The following HEATR5B variants were observed in gnomAD, a reference collection of about 807,000 sequenced individuals.
The protein encoded by HEATR5B is HEAT repeat containing 5B.
Under a neutral mutation model 224.1 loss-of-function variants are expected in HEATR5B, and 156 were observed. The observed-to-expected ratio is 0.70, with a 90% CI of 0.61 to 0.80. HEATR5B has a LOEUF of 0.80. Among genes scored for constraint, HEATR5B ranks in the 30% least tolerant of loss-of-function variants. The probability of loss-of-function intolerance (pLI) is 0.00; values close to 1 mark genes in which losing one functional copy is unlikely to be tolerated. For missense variants in HEATR5B, 2,323 were observed against 2,535.5 expected (o/e 0.92, Z 1.80); for synonymous variants, 1,027 against 893.0 (o/e 1.15, Z -2.68).
At chr2:36,984,237 T>TATATATATATATATATATAA (rs1217602304) in intron 35 of HEATR5B, among the ~76,000 whole-genome samples, 30 of 111,968 alleles carry the variant, frequency 2.7e-4, no homozygotes, top group South Asian at 1.1e-3. Context: ...TATATATATA[T>TATATATATATATATATATAA]AAAACTGGAA....
At chr2:37,059,028 T>A in intron 12 of HEATR5B, 41 bp from the exon 13 acceptor site, 2 of 1,217,520 alleles carry the variant, frequency 1.6e-6, no homozygotes. Context: ...GAGTAGCTTT[T>A]GTGAACATGA....
chr2:37,005,410 C>G (rs146031317), intron 30 of HEATR5B, among the ~76,000 whole-genome samples: 123 of 152,222 alleles, frequency 8.1e-4, no homozygotes, highest in Non-Finnish European at 2.2e-4. Context: ...TCTCCTAATT[C>G]AGGCACAGTG....
chr2:37,035,435 A>G (rs991629337), intron 21 of HEATR5B, among the ~76,000 whole-genome samples: 4 of 152,140 alleles, frequency 2.6e-5, no homozygotes, highest in Non-Finnish European at 5.9e-5. Context: ...TGTCTACTTG[A>G]GTATCCTTGC....
chr2:36,991,246 G>A (rs1028047210), intron 33 of HEATR5B, among the ~76,000 whole-genome samples: 1 of 151,964 alleles, frequency 6.6e-6, no homozygotes, highest in African/African-American at 2.4e-5. Context: ...AAAAAAATCG[G>A]TTGGGTGCAG....
chr2:36,999,551 C>T (rs1666950345), intron 33 of HEATR5B, among the ~76,000 whole-genome samples: 1 of 151,476 alleles, frequency 6.6e-6, no homozygotes, highest in Admixed American at 6.6e-5. Flanking sequence ...CGGTTGCGCA[C>T]ACCTGTAGTC....
Position 37,003,065 on chromosome 2 carries a change from C to T in HEATR5B, c.5050+477G>A, listed in dbSNP as rs141015735. ...CTTGGGCTCAGGAGTTCGAGACCAG[C>T]CTAACATGGCAAAACCCTGTCTCCA... On this transcript the variant is annotated intron_variant, in intron 31 of 35. Transcript: ENST00000233099. Among the ~76,000 whole-genome samples the T allele has an allele frequency of 4.9e-3, 746 of 151,760 alleles. 7 individuals carry two copies. Among genetic ancestry groups the T allele is most frequent in the African/African-American group, 0.016 (679 of 41,348 alleles).
intron 21 of HEATR5B, among the ~76,000 whole-genome samples, chr2:37,034,048 G>A (rs959401387): frequency 2.0e-5 from 3 of 152,066 alleles, no homozygotes; most frequent in African/African-American, 4.8e-5. Context: ...CACAATGCCA[G>A]ATAGTATATT....
intron 24 of HEATR5B, among the ~76,000 whole-genome samples, chr2:37,026,199 C>G (rs1455978307): frequency 6.6e-6 from 1 of 152,014 alleles, no homozygotes; most frequent in Non-Finnish European, 1.5e-5. Flanking sequence ...GAGAGGGAGC[C>G]GTGAGCCAGG....
At chr2:37,055,463 G>A (rs1175181459) in intron 16 of HEATR5B, among the ~76,000 whole-genome samples, 1 of 152,108 alleles carries the variant, frequency 6.6e-6, no homozygotes, top group Non-Finnish European at 1.5e-5. Flanking sequence ...AAACCAAAAT[G>A]TTGAAATAGA....
At chr2:37,020,194 C>T (rs1322104451) in intron 25 of HEATR5B, among the ~76,000 whole-genome samples, 1 of 152,194 alleles carries the variant, frequency 6.6e-6, no homozygotes, top group Non-Finnish European at 1.5e-5. Context: ...CGTGAACCAC[C>T]ATGCCCGGCC....
At chr2:37,013,769 C>T in intron 27 of HEATR5B, 72 bp downstream of exon 27, 1 of 1,341,086 alleles carries the variant, frequency 7.5e-7, no homozygotes, top group South Asian at 1.8e-5. Context: ...TTTTTACCAA[C>T]AAGAGTAGAG....
At chr2:37,073,624 T>G (rs1193287195) in intron 5 of HEATR5B, among the ~76,000 whole-genome samples, 1 of 152,236 alleles carries the variant, frequency 6.6e-6, no homozygotes, top group African/African-American at 2.4e-5. Context: ...TTTGTACATT[T>G]AACACTACAA....
At chr2:37,018,629 T>C (rs1045680691) in intron 26 of HEATR5B, among the ~76,000 whole-genome samples, 7 of 152,188 alleles carry the variant, frequency 4.6e-5, no homozygotes, top group Non-Finnish European at 8.8e-5. Context: ...TTTAAACCTA[T>C]TATTGCAGAA....
At chr2:37,022,874 C>T (rs934659879) in intron 24 of HEATR5B, among the ~76,000 whole-genome samples, 2 of 151,974 alleles carry the variant, frequency 1.3e-5, no homozygotes, top group African/African-American at 4.8e-5. Context: ...CAAAATCCAG[C>T]ACTAATATCG....
chr2:37,062,273 C>A, intron 10 of HEATR5B, among the ~76,000 whole-genome samples: 1 of 151,770 alleles, frequency 6.6e-6, no homozygotes, highest in East Asian at 1.9e-4. Context: ...CCAAAAAATA[C>A]AAAAAAATTA....
At chr2:37,048,839 G>A (rs192295449) in intron 18 of HEATR5B, among the ~76,000 whole-genome samples, 11 of 152,206 alleles carry the variant, frequency 7.2e-5, no homozygotes, top group African/African-American at 2.4e-4. Flanking sequence ...TCAAGACAAG[G>A]AAAGCTATTT....
intron 9 of HEATR5B, among the ~76,000 whole-genome samples, 199 bp from the exon 10 acceptor site, chr2:37,065,189 C>A (rs1671516023): frequency 6.6e-6 from 1 of 152,044 alleles, no homozygotes; most frequent in Non-Finnish European, 1.5e-5. Context: ...CAATTATATT[C>A]AATATTGATG....
At chr2:37,083,241 A>T in intron 2 of HEATR5B, 48 bp downstream of exon 2, 2 of 1,605,678 alleles carry the variant, frequency 1.2e-6, no homozygotes, top group Non-Finnish European at 1.7e-6. Context: ...TCATGACCAC[A>T]TAATCTCTTC....
intron 33 of HEATR5B, among the ~76,000 whole-genome samples, chr2:36,995,937 G>A (rs1666672491): frequency 6.6e-6 from 1 of 152,108 alleles, no homozygotes. Context: ...CCAGGCTGGA[G>A]TGCAGTGGTG....
Sources: gnomAD v4.1 joint callset for allele counts (sites outside exome capture counted in the v4.1 genomes callset) on GRCh38, gnomAD v4.1.1 for gene constraint, MANE v1.5 for transcripts, NCBI Gene and HGNC (gene_info 2026-07-23, HGNC 2026-07-21) for gene names.